The following PCDHGB6 variants were observed in gnomAD, a reference collection of about 807,000 sequenced individuals.
The protein encoded by PCDHGB6 is protocadherin gamma-B6.
PCDHGB6 carries 51 observed loss-of-function variants against 59.1 expected under a neutral mutation model. That is an observed-to-expected ratio of 0.86 (90% confidence interval 0.69 to 1.09). The LOEUF (loss-of-function observed/expected upper bound fraction) is 1.09, where lower values mean the gene tolerates loss of function less well. PCDHGB6 is among the 50% of genes least tolerant of loss of function. The pLI is 0.00. For synonymous variants in PCDHGB6, 466 were observed against 495.1 expected (o/e 0.94, Z 0.78); for missense variants, 1,148 against 1,205.1 (o/e 0.95, Z 0.70).
chr5:141,420,199 C>T (rs764130526), intron 1 of PCDHGB6: 12 of 1,613,362 alleles, frequency 7.4e-6, no homozygotes, highest in Non-Finnish European at 1.0e-5. Context: ...CACAAGATAA[C>T]CTCAACAAAG....
At chr5:141,439,266 G>A (rs1314903524) in intron 1 of PCDHGB6, among the ~76,000 whole-genome samples, 1 of 151,952 alleles carries the variant, frequency 6.6e-6, no homozygotes, top group Non-Finnish European at 1.5e-5. Context: ...TCAGCCAACA[G>A]TTCATTCTGA....
Position 141,432,691 on chromosome 5 carries a change from G to T in PCDHGB6, c.2418+22071G>T. 1 of 1,613,942 alleles carries T rather than the reference G, an allele frequency of 6.2e-7. No individual in the cohort carries two copies. The highest frequency in any genetic ancestry group is 1.1e-5 in the South Asian group (1 of 91,068). On this transcript the variant is annotated intron_variant, in intron 1 of 3. Coordinates refer to ENST00000520790, the MANE Select transcript of PCDHGB6 (RefSeq NM_018926.3). This position sits in a 1 kb window ranked among gnomAD's most constrained non-coding sequence, Gnocchi z 6.0. ...ACGCGCTCAAGCAGAGCCTCGTAGT[G>T]GCCGTCCAGGACCACGGCCAGCCCC... is the stretch of plus-strand genomic sequence containing the variant.
rs756476818 is a variant in PCDHGB6 at position 141,431,027 on chromosome 5, A to G, written c.2418+20407A>G. The G allele has an allele frequency of 6.2e-6, 10 of 1,614,034 alleles. No homozygotes were observed. The highest frequency in any genetic ancestry group is 1.1e-5 in the South Asian group (1 of 91,078). On this transcript the variant is annotated intron_variant, in intron 1 of 3. Coordinates refer to ENST00000520790, the MANE Select transcript of PCDHGB6 (RefSeq NM_018926.3). This position sits in a 1 kb window ranked among gnomAD's most constrained non-coding sequence, Gnocchi z 4.8. ...CGGCAGCTTGGTCACGGCGGGCAGG[A>G]TAGACCGGGAGGAGCTCTGTATGGG...
chr5:141,495,833 G>A (rs559689667), intron 2 of PCDHGB6, among the ~76,000 whole-genome samples: 3 of 151,876 alleles, frequency 2.0e-5, no homozygotes, highest in African/African-American at 4.8e-5. Context: ...TCTATCCCCA[G>A]CCTCTATGTT....
intron 1 of PCDHGB6, chr5:141,415,504 C>G (rs1444248720): frequency 1.2e-6 from 2 of 1,614,216 alleles, no homozygotes; most frequent in South Asian, 2.2e-5. Flanking sequence ...CTTCCCCCAG[C>G]CCAATTATGC....
At chr5:141,418,732 G>A (rs747081573) in intron 1 of PCDHGB6, 1 of 1,613,994 alleles carries the variant, frequency 6.2e-7, no homozygotes, top group Non-Finnish European at 8.5e-7. Flanking sequence ...CTCAGCACGT[G>A]TTCTCTCTGG....
At chr5:141,501,837 G>C (rs2099811299) in intron 2 of PCDHGB6, among the ~76,000 whole-genome samples, 1 of 152,018 alleles carries the variant, frequency 6.6e-6, no homozygotes, top group Admixed American at 6.5e-5. Flanking sequence ...CCACCTGTTT[G>C]GCCCTCAACC....
At chr5:141,416,014 A>G (rs1258459397) in intron 1 of PCDHGB6, 1 of 228,504 alleles carries the variant, frequency 4.4e-6, no homozygotes, top group African/African-American at 2.3e-5. Flanking sequence ...AAGAATAGGT[A>G]AGTATCAGAA....
chr5:141,438,591 CATATATATATATATAT>C (rs946798767), intron 1 of PCDHGB6, among the ~76,000 whole-genome samples: 4 of 75,562 alleles, frequency 5.3e-5, no homozygotes, highest in East Asian at 3.5e-4. Context: ...TACATACATA[CATATATATATATATAT>C]ATATATATAT....
intron 1 of PCDHGB6, chr5:141,423,206 C>A: frequency 6.2e-7 from 1 of 1,613,668 alleles, no homozygotes. Context: ...GCCACCGTCA[C>A]GCTCACCGTG....
intron 1 of PCDHGB6, among the ~76,000 whole-genome samples, chr5:141,484,170 A>G (rs962978452): frequency 6.6e-6 from 1 of 152,210 alleles, no homozygotes; most frequent in Non-Finnish European, 1.5e-5. Context: ...TTGGTAGCTG[A>G]TCTCAATCAT....
intron 1 of PCDHGB6, chr5:141,415,740 G>GTTTTGTTTTT (rs2095911163): frequency 1.9e-6 from 1 of 515,998 alleles, no homozygotes; most frequent in African/African-American, 2.8e-5. Context: ...GTTTATTAAG[G>GTTTTGTTTTT]TTTTTTTTTT....
intron 1 of PCDHGB6, chr5:141,421,487 C>A (rs1447180364): frequency 6.2e-7 from 1 of 1,613,976 alleles, no homozygotes; most frequent in East Asian, 2.2e-5. Context: ...AGCTTGATCA[C>A]GGCAGGCAGG....
At position 141,477,965 on chromosome 5, in the gene PCDHGB6, A is replaced by G. The variant is rs1415974296; in HGVS notation, c.2419-16842A>G. On this transcript the variant is annotated intron_variant, in intron 1 of 3. Coordinates refer to ENST00000520790, the MANE Select transcript of PCDHGB6 (RefSeq NM_018926.3). This position sits in a 1 kb window ranked among gnomAD's most constrained non-coding sequence, Gnocchi z 4.9. ...CAGTCTCTTGGGATCCCCTAACCAGAGCCTTTTTGCCATAGGGCTGCACAC... is the reference window on the plus strand; with the variant it reads ...CAGTCTCTTGGGATCCCCTAACCAGGGCCTTTTTGCCATAGGGCTGCACAC... 4 of 1,614,030 alleles carry G rather than the reference A, an allele frequency of 2.5e-6. No individual in the cohort carries two copies. In the Middle Eastern group the frequency reaches 4.9e-4, roughly 200 times the overall value.
rs769354927 is a variant in PCDHGB6 at position 141,410,560 on chromosome 5, A to C, written c.2358A>C (p.Gly786=). The C allele has an allele frequency of 2.6e-5, 42 of 1,612,824 alleles. No homozygotes were observed. Among genetic ancestry groups the C allele is most frequent in the Non-Finnish European group, 3.5e-5 (41 of 1,179,876 alleles). Residue 786 remains glycine, a synonymous_variant, in exon 1 of 4, where the codon GGA becomes GGC. Coordinates refer to ENST00000520790, the MANE Select transcript of PCDHGB6 (RefSeq NM_018926.3). The part of the protein sequence containing the change: ...NEDMVCSVSP[G]ALIPPHGGED... Reference sequence around the variant, plus strand: ...ACATGGTTTGCAGTGTTTCTCCTGGAGCCTTAATTCCACCTCATGGTGGGG... The same window carrying C: ...ACATGGTTTGCAGTGTTTCTCCTGGCGCCTTAATTCCACCTCATGGTGGGG...
Position 141,489,714 on chromosome 5 carries a change from G to C in PCDHGB6, c.2419-5093G>C, listed in dbSNP as rs770143357. On this transcript the variant is annotated intron_variant, in intron 1 of 3. Coordinates refer to ENST00000520790, the MANE Select transcript of PCDHGB6 (RefSeq NM_018926.3). The surrounding 1 kb of genome is among the most constrained non-coding windows in gnomAD (Gnocchi z 4.5). Reference sequence around the variant, plus strand: ...CACGATTCCCACTGGACAGTGCCCAGGATCCGGATGTGGGCACCAATACTG... The same window carrying C: ...CACGATTCCCACTGGACAGTGCCCACGATCCGGATGTGGGCACCAATACTG... 7.4e-6 allele frequency: 12 copies of C among 1,613,958 alleles called. No individual in the cohort carries two copies. The highest frequency in any genetic ancestry group is 1.0e-5 in the Non-Finnish European group (12 of 1,179,930).
At position 141,498,920 on chromosome 5, in the gene PCDHGB6, G is replaced by A. The variant is rs930391165; in HGVS notation, c.2477+4055G>A. On this transcript the variant is annotated intron_variant, in intron 2 of 3. Transcript: ENST00000520790. ...TGCACTCCAGTCTGGGTGACAGAGC[G>A]AGACTCCATCAGGAAAGAAAGAAAG... 3.3e-4 allele frequency among the ~76,000 whole-genome samples: 47 copies of A among 142,950 alleles called. 1 individual carries two copies. Among genetic ancestry groups the A allele is most frequent in the African/African-American group, 8.9e-4 (35 of 39,160 alleles). The allele number at this position is 142,950 out of a possible 152,430, so 93.8% of individuals were successfully genotyped here. A position where few individuals can be genotyped will look rare whatever the true frequency, so the allele number is the denominator to read the frequency against.
intron 2 of PCDHGB6, among the ~76,000 whole-genome samples, chr5:141,501,306 C>T (rs1016823458): frequency 5.3e-5 from 8 of 151,412 alleles, no homozygotes; most frequent in Non-Finnish European, 8.8e-5. Context: ...CACACACACA[C>T]ACACACACAC....
intron 1 of PCDHGB6, among the ~76,000 whole-genome samples, chr5:141,426,099 G>A (rs1590666889): frequency 1.3e-5 from 2 of 152,348 alleles, no homozygotes; most frequent in African/African-American, 4.8e-5. Context: ...ATTCTGTTCA[G>A]TCACAGAAGC....
Sources: allele counts gnomAD v4.1 joint callset (sites outside exome capture counted in the v4.1 genomes callset), GRCh38; gene constraint gnomAD v4.1.1; non-coding constraint Gnocchi (gnomAD v3.1); transcripts MANE v1.5; gene names NCBI Gene and HGNC (gene_info 2026-07-23, HGNC 2026-07-21).